EXOC6B: variants seen among roughly 807,000 people sequenced by gnomAD.
The protein encoded by EXOC6B is SEC15 homolog B.
Under a neutral mutation model 113.5 loss-of-function variants are expected in EXOC6B, and 54 were observed. The observed-to-expected ratio is 0.48, with a 90% CI of 0.38 to 0.60. The LOEUF (loss-of-function observed/expected upper bound fraction) is 0.60. EXOC6B is among the 20% of genes least tolerant of loss of function. The probability of loss-of-function intolerance (pLI) is 0.00; values close to 1 mark genes in which losing one functional copy is unlikely to be tolerated. For synonymous variants in EXOC6B, 357 were observed against 339.0 expected, an observed-to-expected ratio of 1.05 and a Z score of -0.58; for missense variants, 797 against 977.5, an observed-to-expected ratio of 0.82 and a Z score of 2.46.
chr2:72,816,372 A>T (rs1391690776), intron 1 of EXOC6B, among the ~76,000 whole-genome samples: 1 of 152,222 alleles, frequency 6.6e-6, no homozygotes, highest in Non-Finnish European at 1.5e-5. Flanking sequence ...TGATATGGAC[A>T]AATCTCAAAA....
chr2:72,593,594 C>A (rs1706114311), intron 6 of EXOC6B, among the ~76,000 whole-genome samples: 1 of 148,988 alleles, frequency 6.7e-6, no homozygotes. Context: ...TCAAAAGTAA[C>A]CAAGCTCAAA....
At chr2:72,674,858 GATAA>G (rs1249525602) in intron 6 of EXOC6B, among the ~76,000 whole-genome samples, 16 of 152,054 alleles carry the variant, frequency 1.1e-4, no homozygotes, top group East Asian at 5.8e-4. Context: ...TAGATAAACA[GATAA>G]ATAGTGATTA....
At chr2:72,568,969 A>T (rs1704360259) in intron 7 of EXOC6B, among the ~76,000 whole-genome samples, 1 of 152,070 alleles carries the variant, frequency 6.6e-6, no homozygotes, top group Non-Finnish European at 1.5e-5. Context: ...CAAAAAAAAA[A>T]AAAAGAAAAA....
At chr2:72,568,913 C>T (rs7601020) in intron 7 of EXOC6B, among the ~76,000 whole-genome samples, 133,880 of 151,524 alleles carry the variant, frequency 0.88, 59,193 homozygotes, top group East Asian at 0.99. Context: ...AAGTTTATAA[C>T]TGAGGCAAAT....
intron 6 of EXOC6B, among the ~76,000 whole-genome samples, chr2:72,658,725 A>G (rs1674792069): frequency 6.6e-6 from 1 of 152,004 alleles, no homozygotes; most frequent in African/African-American, 2.4e-5. Context: ...TAGTATTTTC[A>G]TTTTTCACAA....
At chr2:72,774,222 C>G (rs551933160) in intron 1 of EXOC6B, among the ~76,000 whole-genome samples, 1 of 152,242 alleles carries the variant, frequency 6.6e-6, no homozygotes, top group African/African-American at 2.4e-5. Context: ...TTTGGAAGGG[C>G]AACAGGCTAC....
intron 20 of EXOC6B, among the ~76,000 whole-genome samples, chr2:72,334,417 G>T (rs1357139509): frequency 6.6e-6 from 1 of 152,008 alleles, no homozygotes; most frequent in Non-Finnish European, 1.5e-5. Flanking sequence ...CTTCAAAAAC[G>T]ACCACTTAGT....
chr2:72,754,508 A>T (rs1022688035), intron 1 of EXOC6B, among the ~76,000 whole-genome samples: 2 of 152,060 alleles, frequency 1.3e-5, no homozygotes, highest in Non-Finnish European at 2.9e-5. Context: ...CTGGCGTTAT[A>T]GGGTGTGAGC....
intron 7 of EXOC6B, among the ~76,000 whole-genome samples, chr2:72,573,541 A>T (rs755421021): frequency 6.6e-5 from 10 of 152,220 alleles, no homozygotes; most frequent in Non-Finnish European, 1.3e-4. Flanking sequence ...TTCTATCTCC[A>T]TGAGTCATTA....
Position 72,825,724 on chromosome 2 carries a change from C to G in EXOC6B, c.113+74G>C. 2.1e-6 allele frequency: 3 copies of G among 1,444,246 alleles called. No homozygotes were observed. The highest frequency in any genetic ancestry group is 1.8e-6 in the Non-Finnish European group (2 of 1,093,776). The allele number at this position is 1,444,246 out of a possible 1,614,324, so 89.5% of individuals were successfully genotyped here. On this transcript the variant is annotated intron_variant, in intron 1 of 21. Transcript: ENST00000272427. This position sits in a 1 kb window ranked among gnomAD's most constrained non-coding sequence, Gnocchi z 4.4. ...GGCGCCGGACCTGGGGACAGCCGGC[C>G]GGAGGCCCGACCCAGAGGAGCCTGC...
intron 6 of EXOC6B, among the ~76,000 whole-genome samples, chr2:72,650,635 G>A (rs1367722933): frequency 2.0e-5 from 3 of 150,112 alleles, no homozygotes; most frequent in African/African-American, 7.4e-5. Flanking sequence ...AAAGAAAAGA[G>A]AAAAGAAAAA....
chr2:72,330,906 A>G (rs564801052), intron 20 of EXOC6B, among the ~76,000 whole-genome samples: 1 of 152,168 alleles, frequency 6.6e-6, no homozygotes, highest in African/African-American at 2.4e-5. Flanking sequence ...TTGTTTGTAG[A>G]TGAGAGATCA....
At chr2:72,788,346 C>T (rs1278344353) in intron 1 of EXOC6B, among the ~76,000 whole-genome samples, 1 of 152,172 alleles carries the variant, frequency 6.6e-6, no homozygotes, top group Non-Finnish European at 1.5e-5. Flanking sequence ...AGTCATTTAG[C>T]CTCTGCATGA....
chr2:72,507,581 T>C (rs1700659882), intron 11 of EXOC6B, among the ~76,000 whole-genome samples: 1 of 151,970 alleles, frequency 6.6e-6, no homozygotes, highest in Non-Finnish European at 1.5e-5. Context: ...AAAATTAAAA[T>C]TAAAATAATA....
At chr2:72,202,682 A>G (rs1679561544) in intron 20 of EXOC6B, among the ~76,000 whole-genome samples, 2 of 152,262 alleles carry the variant, frequency 1.3e-5, no homozygotes, top group South Asian at 2.1e-4. Context: ...CATGTCTACA[A>G]GAAAATCATT....
intron 1 of EXOC6B, among the ~76,000 whole-genome samples, chr2:72,767,785 C>G (rs1683157946): frequency 1.0e-5 from 1 of 98,128 alleles, no homozygotes; most frequent in Non-Finnish European, 2.0e-5. Flanking sequence ...TGCACTCCAG[C>G]CTGGGAGACA....
intron 6 of EXOC6B, among the ~76,000 whole-genome samples, chr2:72,647,538 G>A (rs1276251530): frequency 2.0e-5 from 3 of 152,092 alleles, no homozygotes; most frequent in African/African-American, 4.8e-5. Context: ...TATACTACAA[G>A]GCTACAGTAA....
At chr2:72,393,971 T>C (rs1692556930) in intron 18 of EXOC6B, among the ~76,000 whole-genome samples, 1 of 152,288 alleles carries the variant, frequency 6.6e-6, no homozygotes, top group Non-Finnish European at 1.5e-5. Flanking sequence ...TAAAAACCAA[T>C]ATACACTTTA....
chr2:72,510,976 C>T (rs1338593631), intron 11 of EXOC6B, among the ~76,000 whole-genome samples: 1 of 151,816 alleles, frequency 6.6e-6, no homozygotes, highest in African/African-American at 2.4e-5. Context: ...CACACAAAAA[C>T]ATGTAAAAAA....
Sources: allele counts gnomAD v4.1 joint callset (sites outside exome capture counted in the v4.1 genomes callset), GRCh38; gene constraint gnomAD v4.1.1; non-coding constraint Gnocchi (gnomAD v3.1); transcripts MANE v1.5; gene names NCBI Gene and HGNC (gene_info 2026-07-23, HGNC 2026-07-21).